The following GREB1L variants were observed in gnomAD, a reference collection of about 807,000 sequenced individuals.
GREB1L encodes GREB1 like retinoic acid receptor coactivator.
In GREB1L, 17 loss-of-function variants were observed where a neutral mutation model predicts 200.8. The observed-to-expected ratio is 0.08, with a 90% CI of 0.06 to 0.13. GREB1L has a LOEUF of 0.13. GREB1L is among the 10% of genes least tolerant of loss of function. GREB1L has a pLI of 1.00. For missense variants in GREB1L, 1,657 were observed against 2,367.7 expected (o/e 0.70, Z 6.23); for synonymous variants, 789 against 893.0 (o/e 0.88, Z 2.08).
chr18:21,394,311 T>G (rs778937691), intron 4 of GREB1L, among the ~76,000 whole-genome samples: 1 of 152,232 alleles, frequency 6.6e-6, no homozygotes, highest in African/African-American at 2.4e-5. Flanking sequence ...GTCATATGAT[T>G]ACAGTGAGTA....
rs2040447054 is a variant in GREB1L, at chr18:21,384,337, G to A, written c.289G>A (p.Asp97Asn). The stretch of plus-strand genomic sequence containing the variant: ...TGATGAAGACGATGAAGAAATGTCT[G>A]ATTCAAACAGCCCACCAATTCCCTA... ...EDDEDDEEMS[D>N]SNSPPIPYSQ... is the part of the protein sequence containing the mutation. The change falls in exon 4 of 33, where the codon GAT becomes AAT. Residue 97 changes from aspartate to asparagine, a missense_variant. Physicochemically the swap from Asp to Asn is conservative, Grantham distance 23 (BLOSUM62 1). Transcript: ENST00000424526. 6.4e-7 allele frequency: 1 copy of A among 1,551,730 alleles called. No individual in the cohort carries two copies. Among genetic ancestry groups the A allele is most frequent in the Non-Finnish European group, 8.7e-7 (1 of 1,146,972 alleles).
chr18:21,448,833 C>G (rs934608128), intron 11 of GREB1L, among the ~76,000 whole-genome samples: 7 of 152,116 alleles, frequency 4.6e-5, no homozygotes, highest in Admixed American at 4.6e-4. Context: ...CCCCTGATTC[C>G]AGGGGCCACA....
intron 2 of GREB1L, among the ~76,000 whole-genome samples, chr18:21,372,173 G>C (rs1194821242): frequency 6.8e-6 from 1 of 146,502 alleles, no homozygotes; most frequent in Non-Finnish European, 1.5e-5. Context: ...TTTTGAGACA[G>C]AGTCTCGCTC....
chr18:21,394,204 C>T (rs1198554273), intron 4 of GREB1L, among the ~76,000 whole-genome samples: 2 of 152,150 alleles, frequency 1.3e-5, no homozygotes, highest in African/African-American at 4.8e-5. Context: ...ACCCTTGGAC[C>T]AATCAACTAT....
intron 1 of GREB1L, among the ~76,000 whole-genome samples, chr18:21,365,134 G>A (rs930393790): frequency 6.6e-6 from 1 of 150,848 alleles, no homozygotes; most frequent in African/African-American, 2.4e-5. Context: ...CTTTCAAGTC[G>A]GCATAAGAGA....
chr18:21,259,080 T>C (rs1311795802), intron 1 of GREB1L, among the ~76,000 whole-genome samples: 1 of 152,122 alleles, frequency 6.6e-6, no homozygotes, highest in Non-Finnish European at 1.5e-5. Flanking sequence ...GCATGGGAGA[T>C]TACCAGACAT....
At chr18:21,512,309 C>CTT (rs2037270316) in intron 27 of GREB1L, among the ~76,000 whole-genome samples, 1 of 152,190 alleles carries the variant, frequency 6.6e-6, no homozygotes, top group South Asian at 2.1e-4. Context: ...TCTTCCAATC[C>CTT]ATAAACACAG....
intron 7 of GREB1L, among the ~76,000 whole-genome samples, chr18:21,429,384 C>G (rs2032968692): frequency 6.7e-6 from 1 of 148,706 alleles, no homozygotes; most frequent in Non-Finnish European, 1.5e-5. Flanking sequence ...GTTCTGTAAC[C>G]CAGGCTGGAG....
chr18:21,268,523 A>ATATG (rs1491382121), intron 1 of GREB1L, among the ~76,000 whole-genome samples: 50 of 46,860 alleles, frequency 1.1e-3, no homozygotes, highest in African/African-American at 2.8e-3. Flanking sequence ...ATATATATAT[A>ATATG]CACACACACA....
intron 2 of GREB1L, among the ~76,000 whole-genome samples, chr18:21,368,150 G>T (rs2039744006): frequency 6.6e-6 from 1 of 152,188 alleles, no homozygotes; most frequent in African/African-American, 2.4e-5. Flanking sequence ...TACTACTTGT[G>T]TGTGATTTGT....
At chr18:21,272,916 A>G (rs1254107230) in intron 1 of GREB1L, among the ~76,000 whole-genome samples, 1 of 152,230 alleles carries the variant, frequency 6.6e-6, no homozygotes, top group South Asian at 2.1e-4. Context: ...TTATTTATAT[A>G]ATTTTTATAA....
intron 1 of GREB1L, among the ~76,000 whole-genome samples, chr18:21,247,518 C>T (rs148700591): frequency 3.3e-5 from 5 of 152,136 alleles, no homozygotes; most frequent in East Asian, 1.9e-4. Context: ...CCTGTATTCC[C>T]GTGTTTGCCT....
At chr18:21,478,071 C>G (rs1186503082) in intron 17 of GREB1L, among the ~76,000 whole-genome samples, 4 of 152,264 alleles carry the variant, frequency 2.6e-5, no homozygotes, top group African/African-American at 9.6e-5. Flanking sequence ...TCTTGGATGG[C>G]CTTTTTGTCA....
chr18:21,486,658 C>T (rs1224253692), intron 18 of GREB1L, among the ~76,000 whole-genome samples: 1 of 152,022 alleles, frequency 6.6e-6, no homozygotes, highest in Non-Finnish European at 1.5e-5. Flanking sequence ...AAAAAATCCC[C>T]ATTTTCAGAT....
intron 1 of GREB1L, among the ~76,000 whole-genome samples, chr18:21,330,677 A>G (rs1309972026): frequency 1.3e-5 from 2 of 152,178 alleles, no homozygotes; most frequent in African/African-American, 2.4e-5. Flanking sequence ...TGAGGGGGGT[A>G]AGAACACACA....
intron 1 of GREB1L, among the ~76,000 whole-genome samples, chr18:21,356,067 A>G (rs2039499139): frequency 1.3e-5 from 2 of 148,652 alleles, no homozygotes; most frequent in Non-Finnish European, 3.0e-5. Context: ...GCTCACTGCA[A>G]GCTCCACCTC....
At chr18:21,331,271 C>T (rs2039103462) in intron 1 of GREB1L, among the ~76,000 whole-genome samples, 1 of 152,134 alleles carries the variant, frequency 6.6e-6, no homozygotes. Context: ...CTGCTGTCTC[C>T]TCTGATGGAC....
At chr18:21,331,792 T>G (rs1443875731) in intron 1 of GREB1L, among the ~76,000 whole-genome samples, 1 of 152,120 alleles carries the variant, frequency 6.6e-6, no homozygotes, top group Non-Finnish European at 1.5e-5. Context: ...CAACCAAAAA[T>G]TGTACAGAAG....
At chr18:21,416,675 C>A (rs1555642630) in intron 7 of GREB1L, among the ~76,000 whole-genome samples, 1 of 143,876 alleles carries the variant, frequency 7.0e-6, no homozygotes, top group Non-Finnish European at 1.5e-5. Context: ...GCCTGGCTGA[C>A]AGAGCAAAAC....
Sources: allele counts gnomAD v4.1 joint callset (sites outside exome capture counted in the v4.1 genomes callset), GRCh38; gene constraint gnomAD v4.1.1; transcripts MANE v1.5; gene names NCBI Gene and HGNC (gene_info 2026-07-23, HGNC 2026-07-21).